LRRK1: variants seen among roughly 807,000 people sequenced by gnomAD.
LRRK1 encodes the protein leucine rich repeat kinase 1, also known as leucine-rich repeat serine/threonine-protein kinase 1.
A neutral mutation model predicts 209.1 loss-of-function variants in LRRK1; 113 were observed. The observed-to-expected ratio is 0.54, with a 90% CI of 0.46 to 0.63. LRRK1 has a LOEUF of 0.63. Ranked by LOEUF, LRRK1 falls within the 30% of genes least tolerant of loss-of-function variation. The pLI is 0.00. For synonymous variants in LRRK1, 1,144 were observed against 1,099.7 expected, an observed-to-expected ratio of 1.04 and a Z score of -0.80; for missense variants, 2,284 against 2,632.2, an observed-to-expected ratio of 0.87 and a Z score of 2.89.
chr15:101,015,096 G>A (rs1270161417), intron 11 of LRRK1, among the ~76,000 whole-genome samples: 1 of 152,140 alleles, frequency 6.6e-6, no homozygotes, highest in Non-Finnish European at 1.5e-5. Flanking sequence ...TCTGCAGAAG[G>A]CCACTTCTGC....
At chr15:101,061,083 C>T (rs1432657516) in intron 29 of LRRK1, 88 bp from the exon 30 acceptor site, 13 of 967,590 alleles carry the variant, frequency 1.3e-5, no homozygotes, top group Non-Finnish European at 1.8e-5. Context: ...GGGAGGTAGA[C>T]GAGGCTCGCA....
chr15:101,021,691 C>G (rs930844), intron 13 of LRRK1, 154 bp from the exon 14 acceptor site: 580,512 of 588,504 alleles, frequency 0.99, 286,625 homozygotes, highest in East Asian at 1. Flanking sequence ...CAGGAGAAAG[C>G]CTTTGGAATT....
chr15:100,976,796 G>A (rs900681437), intron 3 of LRRK1, among the ~76,000 whole-genome samples: 1 of 152,186 alleles, frequency 6.6e-6, no homozygotes, highest in African/African-American at 2.4e-5. Context: ...CCATCCACAG[G>A]AGAAGGCTGC....
intron 32 of LRRK1, 63 bp downstream of exon 32, chr15:101,066,268 A>G: frequency 6.6e-7 from 1 of 1,523,022 alleles, no homozygotes; most frequent in Non-Finnish European, 8.8e-7. Flanking sequence ...CTGGGGACAG[A>G]GCAAGGGGAA....
At chr15:100,984,188 T>A (rs550354220) in intron 4 of LRRK1, among the ~76,000 whole-genome samples, 1 of 151,768 alleles carries the variant, frequency 6.6e-6, no homozygotes, top group African/African-American at 2.4e-5. Flanking sequence ...ACCATGGTTT[T>A]AAGATGACGA....
Position 101,068,768 on chromosome 15 carries a change from G to A in LRRK1, c.5968G>A (p.Gly1990Ser). Residue 1990 changes from glycine (G) to serine (S), a missense_variant, in exon 34 of 34, where the codon GGC (glycine) becomes AGC (serine). Gly to Ser is a moderately conservative substitution (Grantham distance 56, BLOSUM62 0). Coordinates refer to ENST00000388948, the MANE Select transcript of LRRK1 (RefSeq NM_024652.6). ...GTGCCTGGCCGTCTGGAGGGGCTGG[G>A]GCGCCAGGGAGTTCGACATTTTCTA... ...EWCLAVWRGWGAREFDIFYQS... is the reference protein window; with the variant it reads ...EWCLAVWRGWSAREFDIFYQS... 1 of 1,613,842 alleles carries A rather than the reference G, an allele frequency of 6.2e-7. No individual in the cohort carries two copies. Among genetic ancestry groups the A allele is most frequent in the Non-Finnish European group, 8.5e-7 (1 of 1,179,852 alleles).
At chr15:101,002,352 C>G (rs2032734739) in intron 6 of LRRK1, among the ~76,000 whole-genome samples, 2 of 152,238 alleles carry the variant, frequency 1.3e-5, no homozygotes, top group African/African-American at 4.8e-5. Flanking sequence ...ATCCAAGTCA[C>G]CACCACTGCC....
chr15:101,034,129 T>C (rs973191555), intron 20 of LRRK1, among the ~76,000 whole-genome samples: 1 of 152,196 alleles, frequency 6.6e-6, no homozygotes, highest in Non-Finnish European at 1.5e-5. Context: ...TATTGAGTTG[T>C]TTGAATTTCT....
At chr15:100,964,436 A>G (rs1422878959) in intron 2 of LRRK1, among the ~76,000 whole-genome samples, 10 of 152,174 alleles carry the variant, frequency 6.6e-5, no homozygotes, top group Non-Finnish European at 1.3e-4. Flanking sequence ...CGAGCCCCCA[A>G]AGTGCCAGGA....
intron 2 of LRRK1, among the ~76,000 whole-genome samples, chr15:100,968,276 T>C (rs998682026): frequency 2.0e-5 from 3 of 152,160 alleles, no homozygotes; most frequent in African/African-American, 7.2e-5. Flanking sequence ...TTGGGCTATT[T>C]ACAGTTTGGA....
intron 20 of LRRK1, among the ~76,000 whole-genome samples, chr15:101,042,826 T>C (rs2034835482): frequency 6.6e-6 from 1 of 152,206 alleles, no homozygotes; most frequent in South Asian, 2.1e-4. Flanking sequence ...AAACCAAGTG[T>C]AGTGTTGGCT....
chr15:101,048,388 G>A (rs1334444862), intron 21 of LRRK1, 106 bp from the exon 22 acceptor site: 4 of 959,212 alleles, frequency 4.2e-6, no homozygotes, highest in Non-Finnish European at 6.2e-6. Flanking sequence ...TGGGAAAGAT[G>A]GGGGACATTT....
rs1051485238 is a variant in LRRK1, at chr15:101,077,541, T to C, written c.*8693T>C. 6 of 152,204 alleles carry C rather than the reference T, an allele frequency of 3.9e-5. No individual in the cohort carries two copies. The highest frequency in any genetic ancestry group is 5.9e-5 in the Non-Finnish European group (4 of 68,044). 9.4% of individuals were successfully genotyped at this position (152,204 alleles called of 1,614,324 possible). On this transcript the variant is annotated 3_prime_UTR_variant, in exon 34 of 34. Coordinates refer to ENST00000388948, the MANE Select transcript of LRRK1 (RefSeq NM_024652.6). ...AGACCTTTTATACCTGTTTTTCTCCTTTACTTATTCCGTTTAGTTTTTCAA... is the reference window on the plus strand; with the variant it reads ...AGACCTTTTATACCTGTTTTTCTCCCTTACTTATTCCGTTTAGTTTTTCAA...
At chr15:101,025,647 C>G (rs59446726) in intron 16 of LRRK1, among the ~76,000 whole-genome samples, 26,329 of 152,104 alleles carry the variant, frequency 0.17, 2,957 homozygotes, top group East Asian at 0.45. Context: ...GAGGAGCCAG[C>G]CTCCTTTCCA....
In LRRK1 at chr15:101,077,457, A is replaced by G. The variant is rs1413439071; in HGVS notation, c.*8609A>G. 6.6e-6 allele frequency: 1 copy of G among 152,218 alleles called. No individual in the cohort carries two copies. Among genetic ancestry groups the G allele is most frequent in the African/African-American group, 2.4e-5 (1 of 41,450 alleles). 9.4% of individuals were successfully genotyped at this position (152,218 alleles called of 1,614,324 possible). ...TAAATACATAATCTTTGCTGGCAGG[A>G]CTATGCTGAACCTCCTTTGGCACTC... On this transcript the variant is annotated 3_prime_UTR_variant, in exon 34 of 34. Coordinates refer to ENST00000388948, the MANE Select transcript of LRRK1 (RefSeq NM_024652.6).
At chr15:101,014,734 C>G (rs1567233416) in intron 11 of LRRK1, among the ~76,000 whole-genome samples, 3 of 152,312 alleles carry the variant, frequency 2.0e-5, no homozygotes, top group South Asian at 4.1e-4. Context: ...TATAAGGACA[C>G]CAGTCGGATT....
At position 101,022,202 on chromosome 15, in the gene LRRK1, C is replaced by T. The variant is rs985135423; in HGVS notation, c.1853-181C>T. ...AAGGATTTTGTCCATAGGTTCTTGC[C>T]TCTTAGAGTTCGCTTTTAGGGTGGT... On this transcript the variant is annotated intron_variant, in intron 14 of 33. Coordinates refer to ENST00000388948, the MANE Select transcript of LRRK1 (RefSeq NM_024652.6). The surrounding 1 kb of genome is among the most constrained non-coding windows in gnomAD (Gnocchi z 4.0). 7.5e-6 allele frequency: 5 copies of T among 665,718 alleles called. No homozygotes were observed. The African/African-American group carries it at 9.1e-5, about 12-fold the overall frequency. The allele number at this position is 665,718 out of a possible 1,614,324, so 41.2% of individuals were successfully genotyped here.
In LRRK1 at chr15:101,027,560, G is replaced by A; in HGVS notation, c.2527-78G>A. 1 of 1,560,760 alleles carries A rather than the reference G, an allele frequency of 6.4e-7. No homozygotes were observed. The highest frequency in any genetic ancestry group is 8.7e-7 in the Non-Finnish European group (1 of 1,151,436). On this transcript the variant is annotated intron_variant, in intron 18 of 33. Transcript: ENST00000388948. This position sits in a 1 kb window ranked among gnomAD's most constrained non-coding sequence, Gnocchi z 5.1. ...AACGTCCCACCCCCTCAGGCCACAG[G>A]GGCCGGGCAGGATCTGCCCAAGCTG... is the stretch of plus-strand genomic sequence containing the variant.
chr15:100,963,464 TC>T (rs2030217785), intron 2 of LRRK1, among the ~76,000 whole-genome samples: 1 of 152,172 alleles, frequency 6.6e-6, no homozygotes, highest in Non-Finnish European at 1.5e-5. Flanking sequence ...GTCACCTCCT[TC>T]CTAGCGCTGC....
Sources: allele counts gnomAD v4.1 joint callset (sites outside exome capture counted in the v4.1 genomes callset), GRCh38; gene constraint gnomAD v4.1.1; non-coding constraint Gnocchi (gnomAD v3.1); transcripts MANE v1.5; gene names NCBI Gene and HGNC (gene_info 2026-07-23, HGNC 2026-07-21).